Variants in NBDY observed in about 807,000 individuals in gnomAD.
NBDY encodes negative regulator of P-body association, also known as P-body dissociating protein.
intron 2 of NBDY, among the ~76,000 whole-genome samples, chrX:56,803,516 G>C (rs2069834480): frequency 1.8e-5 from 2 of 111,770 alleles, no homozygotes; most frequent in Admixed American, 9.5e-5. Context: ...GACTGGTCTT[G>C]GGGCTGCCTG....
intron 2 of NBDY, among the ~76,000 whole-genome samples, chrX:56,797,397 C>A (rs998518123): frequency 9.4e-6 from 1 of 106,753 alleles, no homozygotes; most frequent in Non-Finnish European, 1.9e-5. Context: ...TAGCAGATTG[C>A]TTCTTCTTCT....
chrX:56,807,712 T>C (rs2069859955), intron 2 of NBDY, among the ~76,000 whole-genome samples: 1 of 112,207 alleles, frequency 8.9e-6, no homozygotes, highest in Admixed American at 9.4e-5. Context: ...AAGGAGATTT[T>C]GGGCTGAGAC....
chrX:56,737,273 C>A lies in NBDY; in HGVS notation c.*166+5074C>A, dbSNP rs2069500368. 7 of 1,061,145 alleles carry A rather than the reference C, an allele frequency of 6.6e-6. No homozygotes were observed. The South Asian group carries it at 9.3e-5, about 14-fold the overall frequency. 87.5% of individuals were successfully genotyped at this position (1,061,145 alleles called of 1,213,427 possible). The stretch of plus-strand genomic sequence containing the variant: ...CTTTGCCCATTCTTCTCTTTCTTTT[C>A]TTTCCCGAATAACCTCTTGCACATA... On this transcript the variant is annotated intron_variant, in intron 2 of 2. Coordinates refer to ENST00000374922, the MANE Select transcript of NBDY (RefSeq NM_001348129.2).
chrX:56,793,551 G>A (rs1488328820), intron 2 of NBDY, among the ~76,000 whole-genome samples: 1 of 110,300 alleles, frequency 9.1e-6, no homozygotes, highest in Non-Finnish European at 1.9e-5. Flanking sequence ...CAGCTTGGAG[G>A]GGCAGTTGAG....
intron 2 of NBDY, among the ~76,000 whole-genome samples, chrX:56,816,034 A>C (rs1320640307): frequency 1.8e-5 from 2 of 111,217 alleles, no homozygotes; most frequent in African/African-American, 6.5e-5. Context: ...AAACATGCAA[A>C]TTTTATACGA....
rs922974506 is a variant in NBDY, at chrX:56,815,414, C to A, written c.*167-1906C>A. The stretch of plus-strand genomic sequence containing the variant: ...CCACTTTTAAAATTCTATTAAGGTA[C>A]AATAAATCAAACATATACTATGTTT... On this transcript the variant is annotated intron_variant, in intron 2 of 2. Coordinates refer to ENST00000374922, the MANE Select transcript of NBDY (RefSeq NM_001348129.2). Among the ~76,000 whole-genome samples the A allele has an allele frequency of 3.6e-5, 4 of 111,292 alleles. No homozygotes were observed. In the East Asian group the frequency reaches 1.1e-3, roughly 31 times the overall value.
chrX:56,755,534 G>GA (rs1441919292), intron 2 of NBDY, among the ~76,000 whole-genome samples: 1 of 112,031 alleles, frequency 8.9e-6, no homozygotes, highest in Non-Finnish European at 1.9e-5. Flanking sequence ...AAAGACACAT[G>GA]AAAAAATGCT....
chrX:56,751,719 T>A (rs750882617), intron 2 of NBDY, among the ~76,000 whole-genome samples: 7 of 112,446 alleles, frequency 6.2e-5, no homozygotes, highest in Non-Finnish European at 1.9e-5. Flanking sequence ...TCACCATTGA[T>A]TAGTTTCGCA....
chrX:56,741,312 A>T (rs2069531632), intron 2 of NBDY, among the ~76,000 whole-genome samples: 1 of 111,814 alleles, frequency 8.9e-6, no homozygotes, highest in African/African-American at 3.2e-5. Flanking sequence ...GGGAGTGCAG[A>T]TATCTCTTTG....
intron 2 of NBDY, among the ~76,000 whole-genome samples, chrX:56,739,286 A>T (rs7052663): frequency 6.8e-4 from 30 of 44,383 alleles, no homozygotes; most frequent in East Asian, 5.9e-3. Context: ...ATATATTTTT[A>T]TATATATATA....
At chrX:56,793,219 G>A (rs1438411909) in intron 2 of NBDY, among the ~76,000 whole-genome samples, 1 of 112,496 alleles carries the variant, frequency 8.9e-6, no homozygotes. Context: ...TAATCCAGCT[G>A]AGTGGCCAGC....
intron 2 of NBDY, among the ~76,000 whole-genome samples, chrX:56,740,641 G>C (rs978514733): frequency 9.0e-6 from 1 of 111,542 alleles, no homozygotes; most frequent in Non-Finnish European, 1.9e-5. Context: ...GTACATACAA[G>C]TCTAGAATAG....
intron 2 of NBDY, among the ~76,000 whole-genome samples, chrX:56,744,254 T>G (rs2069545584): frequency 8.9e-6 from 1 of 111,866 alleles, no homozygotes; most frequent in Non-Finnish European, 1.9e-5. Context: ...CCTAACATGG[T>G]GGCTTTAGAG....
chrX:56,805,971 G>A (rs1306176875), intron 2 of NBDY, among the ~76,000 whole-genome samples: 1 of 110,273 alleles, frequency 9.1e-6, no homozygotes, highest in Admixed American at 9.7e-5. Context: ...CCCTCCCCTA[G>A]CTCCCCACCC....
chrX:56,738,088 C>T (rs2069506841), intron 2 of NBDY, among the ~76,000 whole-genome samples: 1 of 111,881 alleles, frequency 8.9e-6, no homozygotes, highest in Non-Finnish European at 1.9e-5. Flanking sequence ...CCAATAATGT[C>T]TTTTGTGGTT....
intron 2 of NBDY, among the ~76,000 whole-genome samples, chrX:56,753,930 G>C (rs1240093760): frequency 9.0e-6 from 1 of 111,396 alleles, no homozygotes; most frequent in Non-Finnish European, 1.9e-5. Flanking sequence ...GAGGAAGTGG[G>C]TGAAGATAGG....
chrX:56,762,419 C>T (rs2069642255), intron 2 of NBDY, among the ~76,000 whole-genome samples: 2 of 110,443 alleles, frequency 1.8e-5, no homozygotes, highest in Non-Finnish European at 3.8e-5. Flanking sequence ...TTCTTCTGCT[C>T]CTTGGTAATG....
chrX:56,796,598 C>T (rs763701087), intron 2 of NBDY, among the ~76,000 whole-genome samples: 154 of 111,640 alleles, frequency 1.4e-3, no homozygotes, highest in African/African-American at 4.8e-3. Flanking sequence ...TGCCCTCTCT[C>T]CATATTGCCA....
chrX:56,761,745 C>T (rs972040589), intron 2 of NBDY, among the ~76,000 whole-genome samples: 1 of 112,959 alleles, frequency 8.9e-6, no homozygotes, highest in African/African-American at 3.2e-5. Context: ...GAGAACACGC[C>T]TTCTTTTCCT....
Sources: gnomAD v4.1 joint callset for allele counts (sites outside exome capture counted in the v4.1 genomes callset) on GRCh38, gnomAD v4.1.1 for gene constraint, MANE v1.5 for transcripts, NCBI Gene and HGNC (gene_info 2026-07-23, HGNC 2026-07-21) for gene names.